Variants in TBC1D9 observed in about 807,000 individuals in gnomAD.
The protein encoded by TBC1D9 is TBC1 domain family member 9.
Under a neutral mutation model 132.0 loss-of-function variants are expected in TBC1D9, and 63 were observed. The observed-to-expected ratio is 0.48, with a 90% CI of 0.39 to 0.59. The LOEUF (loss-of-function observed/expected upper bound fraction) is 0.59, where lower values mean the gene tolerates loss of function less well. TBC1D9 is among the 20% of genes least tolerant of loss of function. The pLI, the probability that TBC1D9 is intolerant of heterozygous loss-of-function variation, is 0.00. For synonymous variants in TBC1D9, 610 were observed against 609.9 expected (o/e 1.00, Z 0.00); for missense variants, 1,261 against 1,592.7 (o/e 0.79, Z 3.54).
intron 13 of TBC1D9, among the ~76,000 whole-genome samples, chr4:140,646,691 A>G (rs528462165): frequency 6.6e-6 from 1 of 152,306 alleles, no homozygotes; most frequent in South Asian, 2.1e-4. Flanking sequence ...TGACCCAGGC[A>G]TTCCTTTCAG....
In TBC1D9 at chr4:140,731,668, TACAC is replaced by T. The variant is rs56768107; in HGVS notation, c.130+24244_130+24247del. Among the ~76,000 whole-genome samples the T allele has an allele frequency of 2.9e-4, 43 of 147,200 alleles. 1 individual carries two copies. The highest frequency in any genetic ancestry group is 1.6e-3 in the Admixed American group (24 of 14,654). On this transcript the variant is annotated intron_variant, in intron 1 of 20. Transcript: ENST00000442267. ...AATGGCACCATAGTTTTAAAACACA[TACAC>T]ACACACACACACACACACACACCCC... is the stretch of plus-strand genomic sequence containing the variant.
intron 1 of TBC1D9, among the ~76,000 whole-genome samples, chr4:140,750,445 C>T (rs1016217546): frequency 8.6e-5 from 13 of 151,996 alleles, no homozygotes; most frequent in Admixed American, 5.9e-4. Flanking sequence ...AAGTTAGCTA[C>T]ATTCTGGATA....
chr4:140,643,885 G>T, intron 13 of TBC1D9: 1 of 717,286 alleles, frequency 1.4e-6, no homozygotes, highest in East Asian at 2.6e-5. Context: ...TCCATGGCGG[G>T]CAGTGGCAGC....
At position 140,622,686 on chromosome 4, in the gene TBC1D9, G is replaced by A; in HGVS notation, c.3310C>T (p.Pro1104Ser). The change falls in exon 21 of 21, where the codon CCT (proline) becomes TCT (serine). Residue 1104 changes from proline to serine, a missense_variant. Around this residue, in one of 3 missense-constraint regions of TBC1D9, gnomAD observed 618 missense variants for 724.4 expected, o/e 0.85. Transcript: ENST00000442267. ...VLFPKKGPGQ[P>S]YVVESVEPLP... ...GGCTCAACAGACTCCACCACGTAAG[G>A]CTGGCCTGGCCCTTTCTTGGGGAAG... 1.2e-6 allele frequency: 2 copies of A among 1,611,576 alleles called. No homozygotes were observed. Among genetic ancestry groups the A allele is most frequent in the Non-Finnish European group, 1.7e-6 (2 of 1,179,060 alleles).
intron 1 of TBC1D9, among the ~76,000 whole-genome samples, chr4:140,749,410 C>T (rs139404825): frequency 1.9e-4 from 29 of 152,242 alleles, no homozygotes; most frequent in African/African-American, 6.7e-4. Flanking sequence ...ATACAAAGAA[C>T]ACAAGGTAGC....
chr4:140,744,166 G>A (rs1430387024), intron 1 of TBC1D9, among the ~76,000 whole-genome samples: 1 of 152,044 alleles, frequency 6.6e-6, no homozygotes, highest in Non-Finnish European at 1.5e-5. Flanking sequence ...ATCTGCTTTT[G>A]TCTGGTCATG....
chr4:140,675,053 T>C (rs1737602630), intron 6 of TBC1D9, among the ~76,000 whole-genome samples: 1 of 152,016 alleles, frequency 6.6e-6, no homozygotes, highest in South Asian at 2.1e-4. Context: ...TAAGATATAC[T>C]CAATGTTAAA....
intron 9 of TBC1D9, among the ~76,000 whole-genome samples, chr4:140,665,109 G>GAAAAAAA (rs373062026): frequency 3.3e-5 from 2 of 60,140 alleles, no homozygotes; most frequent in Non-Finnish European, 3.4e-5. Flanking sequence ...TCAGTCTCCA[G>GAAAAAAA]AAAAAAAAAA....
At position 140,636,085 on chromosome 4, in the gene TBC1D9, G is replaced by C. The variant is rs557914535; in HGVS notation, c.2506-1897C>G. ...TGAACATGGGTGCAGGCACTTTCATGGTGCTCACAACCATTAGGATAAAAC... is the reference window on the plus strand; with the variant it reads ...TGAACATGGGTGCAGGCACTTTCATCGTGCTCACAACCATTAGGATAAAAC... On this transcript the variant is annotated intron_variant, in intron 15 of 20. Transcript: ENST00000442267. Among the ~76,000 whole-genome samples the C allele has an allele frequency of 2.6e-5, 4 of 152,284 alleles. No individual in the cohort carries two copies. The South Asian group carries it at 8.3e-4, about 32-fold the overall frequency.
At chr4:140,643,380 TG>T in intron 13 of TBC1D9, 3 of 1,267,208 alleles carry the variant, frequency 2.4e-6, no homozygotes, top group Non-Finnish European at 2.2e-6. Flanking sequence ...AGGCCTGGCC[TG>T]GGGCAGCTCC....
chr4:140,663,601 C>A (rs886760351), intron 9 of TBC1D9, among the ~76,000 whole-genome samples: 22 of 152,106 alleles, frequency 1.4e-4, no homozygotes, highest in Admixed American at 7.9e-4. Flanking sequence ...ATGTTTATTG[C>A]AGCATTTTCA....
chr4:140,643,845 CCGCCTG>C (rs1025836553), intron 13 of TBC1D9: 5 of 716,332 alleles, frequency 7.0e-6, no homozygotes, highest in Non-Finnish European at 1.2e-5. Context: ...ACCTCTGCAT[CCGCCTG>C]CAGGGCTCGG....
At chr4:140,708,213 G>T (rs1270427318) in intron 1 of TBC1D9, among the ~76,000 whole-genome samples, 1 of 152,128 alleles carries the variant, frequency 6.6e-6, no homozygotes, top group Non-Finnish European at 1.5e-5. Context: ...TAGCAAATCT[G>T]CCTTAAATAA....
At chr4:140,724,772 T>C (rs1738473344) in intron 1 of TBC1D9, among the ~76,000 whole-genome samples, 1 of 152,052 alleles carries the variant, frequency 6.6e-6, no homozygotes, top group South Asian at 2.1e-4. Flanking sequence ...AAGTACAATT[T>C]ATAGGAAAAA....
At chr4:140,698,151 G>A (rs1738004699) in intron 2 of TBC1D9, among the ~76,000 whole-genome samples, 1 of 151,992 alleles carries the variant, frequency 6.6e-6, no homozygotes, top group Non-Finnish European at 1.5e-5. Context: ...ATCAACTACG[G>A]CAGGCCAGAT....
chr4:140,698,703 A>G (rs1368250885), intron 2 of TBC1D9, among the ~76,000 whole-genome samples: 1 of 144,838 alleles, frequency 6.9e-6, no homozygotes, highest in Non-Finnish European at 1.5e-5. Context: ...GTGCCACTGC[A>G]CTCGAGCCTG....
intron 1 of TBC1D9, among the ~76,000 whole-genome samples, chr4:140,755,156 T>C (rs1320548330): frequency 1.3e-5 from 2 of 152,076 alleles, no homozygotes; most frequent in African/African-American, 2.4e-5. Flanking sequence ...TTCTCTAGTA[T>C]GGTATGAGTT....
rs1737509721 is a variant in TBC1D9 at position 140,669,918 on chromosome 4, C to T, written c.1267-114G>A. The T allele has an allele frequency of 3.7e-6, 4 of 1,087,174 alleles. No homozygotes were observed. In the East Asian group the frequency reaches 1.0e-4, roughly 27 times the overall value. 67.3% of individuals were successfully genotyped at this position (1,087,174 alleles called of 1,614,324 possible). On this transcript the variant is annotated intron_variant, in intron 7 of 20. Transcript: ENST00000442267. ...ACATCATTTTTTTCCCATGGTGTTT[C>T]TTGCTATGTGAAGAAACACGAGAAA...
At chr4:140,624,716 C>T (rs963615507) in intron 18 of TBC1D9, among the ~76,000 whole-genome samples, 19 of 152,064 alleles carry the variant, frequency 1.2e-4, no homozygotes, top group African/African-American at 2.2e-4. Context: ...AAAGGACCTC[C>T]GCAGAATTCT....
Sources: allele counts gnomAD v4.1 joint callset (sites outside exome capture counted in the v4.1 genomes callset), GRCh38; gene constraint gnomAD v4.1.1; regional missense constraint gnomAD v4.1.1; transcripts MANE v1.5; gene names NCBI Gene and HGNC (gene_info 2026-07-23, HGNC 2026-07-21).